PPFIA2: variants seen among roughly 807,000 people sequenced by gnomAD.
PPFIA2 encodes liprin-alpha-2.
PPFIA2 carries 46 observed loss-of-function variants against 175.5 expected under a neutral mutation model. That is an observed-to-expected ratio of 0.26 (90% CI 0.21 to 0.34). The LOEUF (loss-of-function observed/expected upper bound fraction) is 0.34. Ranked by LOEUF, PPFIA2 falls within the 10% of genes least tolerant of loss-of-function variation. PPFIA2 has a pLI of 1.00. For missense variants in PPFIA2, 1,179 were observed against 1,506.1 expected (o/e 0.78, Z 3.60); for synonymous variants, 568 against 511.4 (o/e 1.11, Z -1.49).
intron 4 of PPFIA2, among the ~76,000 whole-genome samples, chr12:81,487,659 C>T (rs933542825): frequency 6.6e-6 from 1 of 151,716 alleles, no homozygotes; most frequent in Non-Finnish European, 1.5e-5. Context: ...GCTGATATCT[C>T]ACACCCATGC....
intron 4 of PPFIA2, among the ~76,000 whole-genome samples, chr12:81,567,840 C>A (rs1413400475): frequency 6.6e-6 from 1 of 152,118 alleles, no homozygotes; most frequent in Non-Finnish European, 1.5e-5. Context: ...ATGAGTTGTT[C>A]TAGTGAATTA....
chr12:81,306,672 C>T (rs369608697), intron 22 of PPFIA2, among the ~76,000 whole-genome samples: 1 of 151,178 alleles, frequency 6.6e-6, no homozygotes, highest in Non-Finnish European at 1.5e-5. Flanking sequence ...TCCTGAGTAG[C>T]TGTGATTATA....
chr12:81,366,024 T>TCCTTCCTTCCCTCCCTC (rs2033253218), intron 14 of PPFIA2, among the ~76,000 whole-genome samples: 1 of 110,658 alleles, frequency 9.0e-6, no homozygotes, highest in Non-Finnish European at 1.8e-5. Context: ...CTTCCTTCCT[T>TCCTTCCTTCCCTCCCTC]CCTTCCTTCC....
intron 27 of PPFIA2, among the ~76,000 whole-genome samples, chr12:81,280,879 C>T (rs1398281567): frequency 6.7e-6 from 1 of 150,250 alleles, no homozygotes; most frequent in Admixed American, 6.6e-5. Context: ...AATTTATAAC[C>T]ACATATTTGT....
chr12:81,555,618 T>C (rs1282055464), intron 4 of PPFIA2, among the ~76,000 whole-genome samples: 1 of 152,020 alleles, frequency 6.6e-6, no homozygotes, highest in East Asian at 1.9e-4. Flanking sequence ...TAAATTAATA[T>C]TTTCACCATT....
intron 4 of PPFIA2, among the ~76,000 whole-genome samples, chr12:81,500,377 T>A (rs59006549): frequency 1.3e-3 from 195 of 152,292 alleles, no homozygotes; most frequent in African/African-American, 4.1e-3. Context: ...CAAAAAACAC[T>A]TCATAAATTG....
intron 8 of PPFIA2, among the ~76,000 whole-genome samples, chr12:81,394,095 A>C (rs951676699): frequency 9.2e-5 from 14 of 152,066 alleles, no homozygotes; most frequent in Non-Finnish European, 1.9e-4. Context: ...AAATTTACTC[A>C]CTTGTTACTT....
At chr12:81,403,294 C>G (rs952645033) in intron 8 of PPFIA2, among the ~76,000 whole-genome samples, 3 of 152,160 alleles carry the variant, frequency 2.0e-5, no homozygotes, top group African/African-American at 7.2e-5. Context: ...GTCTCAAAAT[C>G]CTCCATATGT....
At chr12:81,447,953 C>T (rs77482027) in intron 5 of PPFIA2, among the ~76,000 whole-genome samples, 1 of 152,222 alleles carries the variant, frequency 6.6e-6, no homozygotes, top group East Asian at 1.9e-4. Context: ...TACATCTATC[C>T]TTCAATCTGA....
At chr12:81,734,790 G>A (rs796499040) in intron 3 of PPFIA2, among the ~76,000 whole-genome samples, 10 of 151,808 alleles carry the variant, frequency 6.6e-5, no homozygotes, top group African/African-American at 2.4e-4. Context: ...CCACTTTTAA[G>A]TCTCCCAAAA....
intron 3 of PPFIA2, among the ~76,000 whole-genome samples, chr12:81,716,673 G>A (rs1223255752): frequency 6.6e-6 from 1 of 151,566 alleles, no homozygotes; most frequent in Non-Finnish European, 1.5e-5. Flanking sequence ...TGCTTTAAAC[G>A]TAGTTTTGTT....
chr12:81,665,038 C>T (rs1183598891), intron 4 of PPFIA2, among the ~76,000 whole-genome samples: 2 of 140,800 alleles, frequency 1.4e-5, no homozygotes, highest in Admixed American at 7.0e-5. Flanking sequence ...GGCCTGTTGT[C>T]GGGTGGGGGC....
intron 8 of PPFIA2, among the ~76,000 whole-genome samples, chr12:81,402,139 A>C (rs1394291721): frequency 6.6e-6 from 1 of 152,162 alleles, no homozygotes; most frequent in East Asian, 1.9e-4. Flanking sequence ...TAAGCAAATT[A>C]ACTGCCCTAA....
intron 4 of PPFIA2, among the ~76,000 whole-genome samples, chr12:81,459,590 T>G (rs1488871634): frequency 6.6e-6 from 1 of 152,128 alleles, no homozygotes; most frequent in Non-Finnish European, 1.5e-5. Context: ...CTTTTTACAA[T>G]GGAGAAATAT....
intron 10 of PPFIA2, among the ~76,000 whole-genome samples, chr12:81,375,433 T>C (rs994074158): frequency 1.3e-5 from 2 of 152,120 alleles, no homozygotes; most frequent in African/African-American, 4.8e-5. Flanking sequence ...AGATGTATGA[T>C]CTTGGGAAAG....
At chr12:81,375,586 C>A in intron 10 of PPFIA2, 1 of 575,974 alleles carries the variant, frequency 1.7e-6, no homozygotes, top group Non-Finnish European at 3.0e-6. Flanking sequence ...AAATCAGAGT[C>A]ATTATTTGTA....
chr12:81,265,302 A>C (rs1453667613), intron 30 of PPFIA2, among the ~76,000 whole-genome samples: 2 of 151,368 alleles, frequency 1.3e-5, no homozygotes, highest in African/African-American at 2.4e-5. Context: ...AAAAAAAAAA[A>C]AAAAAAAAAA....
chr12:81,453,176 T>C (rs1293928947), intron 5 of PPFIA2, among the ~76,000 whole-genome samples: 1 of 122,190 alleles, frequency 8.2e-6, no homozygotes. Flanking sequence ...CCCCAGAGTG[T>C]GATATTCCCC....
intron 7 of PPFIA2, among the ~76,000 whole-genome samples, chr12:81,433,741 A>G (rs879777847): frequency 1.3e-5 from 2 of 151,646 alleles, no homozygotes; most frequent in Non-Finnish European, 2.9e-5. Context: ...TGACAAACAT[A>G]TATTGATCAA....
Sources: allele counts gnomAD v4.1 joint callset (sites outside exome capture counted in the v4.1 genomes callset), GRCh38; gene constraint gnomAD v4.1.1; transcripts MANE v1.5; gene names NCBI Gene and HGNC (gene_info 2026-07-23, HGNC 2026-07-21).